NOS1: variants seen among roughly 807,000 people sequenced by gnomAD.
NOS1 encodes the protein nitric oxide synthase 1.
In NOS1, 51 loss-of-function variants were observed where a neutral mutation model predicts 164.5. That is an observed-to-expected ratio of 0.31 (90% CI 0.25 to 0.39). The LOEUF (loss-of-function observed/expected upper bound fraction) is 0.39, where lower values mean the gene tolerates loss of function less well. NOS1 is among the 10% of genes least tolerant of loss of function. NOS1 has a pLI of 1.00. For missense variants in NOS1, 1,362 were observed against 1,885.6 expected (o/e 0.72, Z 5.14); for synonymous variants, 719 against 745.8 (o/e 0.96, Z 0.59).
chr12:117,214,474 G>A lies in NOS1; in HGVS notation c.*835C>T, dbSNP rs1956572853. On this transcript the variant is annotated 3_prime_UTR_variant, in exon 29 of 29. Coordinates refer to ENST00000317775, the MANE Select transcript of NOS1 (RefSeq NM_000620.5). The stretch of plus-strand genomic sequence containing the variant: ...AGTCAAGTGATTCTAGCTGGTATGG[G>A]TGGGTTTGGGGAGGGGATTTGCACA... 8 of 985,152 alleles carry A rather than the reference G, an allele frequency of 8.1e-6. No homozygotes were observed. The highest frequency in any genetic ancestry group is 4.7e-5 in the South Asian group (1 of 21,280). The allele number at this position is 985,152 out of a possible 1,614,324, so 61.0% of individuals were successfully genotyped here.
chr12:117,233,578 G>A (rs989709197), intron 21 of NOS1, among the ~76,000 whole-genome samples: 2 of 151,632 alleles, frequency 1.3e-5, no homozygotes, highest in Non-Finnish European at 2.9e-5. Flanking sequence ...AGGCCAAGGC[G>A]GGTGGATTAC....
chr12:117,267,662 C>A (rs1223127290), intron 11 of NOS1, among the ~76,000 whole-genome samples: 1 of 151,970 alleles, frequency 6.6e-6, no homozygotes, highest in Admixed American at 6.6e-5. Context: ...TTTAGCACAG[C>A]CTCATGCATT....
chr12:117,236,226 T>C (rs1411872827), intron 20 of NOS1, among the ~76,000 whole-genome samples: 1 of 152,186 alleles, frequency 6.6e-6, no homozygotes. Flanking sequence ...TAATTTTCAG[T>C]GGCTAGAGAC....
At chr12:117,293,668 A>G (rs559666740) in intron 3 of NOS1, among the ~76,000 whole-genome samples, 1 of 143,708 alleles carries the variant, frequency 7.0e-6, no homozygotes, top group Non-Finnish European at 1.5e-5. Flanking sequence ...TATTACTTGT[A>G]TTATTATTAC....
At position 117,330,571 on chromosome 12, in the gene NOS1, GCCCATCATCGTAGGCATGCT is replaced by G. The variant is rs751297783; in HGVS notation, c.479_498del (p.Gln160ProfsTer38). 6.2e-7 allele frequency: 1 copy of G among 1,613,352 alleles called. No homozygotes were observed. ...GCATGGGGGAGTGAGCCAGCCTCCT[GCCCATCATCGTAGGCATGCT>G]GAGGCCCATTCCCGGGACCCGAGGC... On this transcript the variant is annotated frameshift_variant, in exon 2 of 29. Coordinates refer to ENST00000317775, the MANE Select transcript of NOS1 (RefSeq NM_000620.5). LOFTEE classifies it high-confidence loss of function. This position sits in a 1 kb window ranked among gnomAD's most constrained non-coding sequence, Gnocchi z 4.6.
At chr12:117,329,222 T>G (rs191240213) in intron 2 of NOS1, among the ~76,000 whole-genome samples, 4 of 152,300 alleles carry the variant, frequency 2.6e-5, no homozygotes, top group Admixed American at 2.6e-4. Context: ...TTGATTTCAT[T>G]CATTGCTCTA....
At chr12:117,344,940 G>A (rs1354777112) in intron 1 of NOS1, among the ~76,000 whole-genome samples, 1 of 152,028 alleles carries the variant, frequency 6.6e-6, no homozygotes, top group African/African-American at 2.4e-5. Flanking sequence ...ACTTGCCTAA[G>A]ATTCTTAGAA....
At chr12:117,311,270 C>T (rs1205719223) in intron 3 of NOS1, among the ~76,000 whole-genome samples, 196 bp downstream of exon 3, 2 of 151,966 alleles carry the variant, frequency 1.3e-5, no homozygotes, top group Non-Finnish European at 2.9e-5. Flanking sequence ...AATACCAAAC[C>T]ACACAAAAAC....
At chr12:117,269,323 G>C (rs1872640055) in intron 10 of NOS1, among the ~76,000 whole-genome samples, 1 of 152,088 alleles carries the variant, frequency 6.6e-6, no homozygotes. Flanking sequence ...AAGACCAGAG[G>C]GTGTTTGGAG....
chr12:117,216,184 ATT>A (rs35267348), intron 28 of NOS1, among the ~76,000 whole-genome samples: 13 of 125,676 alleles, frequency 1.0e-4, no homozygotes, highest in East Asian at 2.4e-4. Context: ...GTCAAAAGGG[ATT>A]TTTTTTTTTT....
chr12:117,262,000 C>T (rs539404292), intron 13 of NOS1, among the ~76,000 whole-genome samples: 2 of 152,318 alleles, frequency 1.3e-5, no homozygotes, highest in African/African-American at 2.4e-5. Flanking sequence ...CTTAACAAGC[C>T]TCCCTGTTGT....
intron 1 of NOS1, among the ~76,000 whole-genome samples, chr12:117,340,871 C>CTTTTTTTTTTTTTTTTTTTTTTTTT (rs775978271): frequency 1.0e-5 from 1 of 96,434 alleles, no homozygotes; most frequent in African/African-American, 4.6e-5. Context: ...TCACACCTGG[C>CTTTTTTTTTTTTTTTTTTTTTTTTT]TATTTTTTTT....
In NOS1 at chr12:117,356,522, T is replaced by C. The variant is rs748973286; in HGVS notation, c.-421+4990A>G. 2.0e-5 allele frequency among the ~76,000 whole-genome samples: 3 copies of C among 152,236 alleles called. No individual in the cohort carries two copies. The highest frequency in any genetic ancestry group is 2.9e-5 in the Non-Finnish European group (2 of 68,044). On this transcript the variant is annotated intron_variant, in intron 1 of 28. Transcript: ENST00000317775. This position sits in a 1 kb window ranked among gnomAD's most constrained non-coding sequence, Gnocchi z 4.2. ...CAGGGTTTGTCTGGTGCTCACCGCT[T>C]AGCCAGACTACAGGTTTCATTAGAA... is the stretch of plus-strand genomic sequence containing the variant.
At chr12:117,340,805 C>A (rs749271668) in intron 1 of NOS1, among the ~76,000 whole-genome samples, 6 of 151,840 alleles carry the variant, frequency 4.0e-5, no homozygotes, top group Non-Finnish European at 8.8e-5. Flanking sequence ...CTTACTGCAA[C>A]CTCTGCCTCC....
chr12:117,273,092 A>C (rs1489386640), intron 9 of NOS1, among the ~76,000 whole-genome samples: 2 of 152,140 alleles, frequency 1.3e-5, no homozygotes, highest in Non-Finnish European at 2.9e-5. Context: ...AATCATGCTT[A>C]TTCTGGAAAG....
At chr12:117,294,238 A>T (rs1359734062) in intron 3 of NOS1, among the ~76,000 whole-genome samples, 1 of 152,130 alleles carries the variant, frequency 6.6e-6, no homozygotes, top group African/African-American at 2.4e-5. Flanking sequence ...TGGTGATGAC[A>T]TCGGGTCTGG....
rs1381468381 is a variant in NOS1 at position 117,310,766 on chromosome 12, G to A, written c.852+700C>T. On this transcript the variant is annotated intron_variant, in intron 3 of 28. Coordinates refer to ENST00000317775, the MANE Select transcript of NOS1 (RefSeq NM_000620.5). The stretch of plus-strand genomic sequence containing the variant: ...CTCAAGTGATCCTCCTGCCTCAGTC[G>A]CCTGAGTAGCTAGGAACTACAGGTA... Among the ~76,000 whole-genome samples the A allele has an allele frequency of 5.3e-5, 8 of 152,122 alleles. No individual in the cohort carries two copies. The East Asian group carries it at 5.8e-4, about 11-fold the overall frequency.
chr12:117,216,706 T>G (rs1956617135), intron 28 of NOS1, among the ~76,000 whole-genome samples: 1 of 152,044 alleles, frequency 6.6e-6, no homozygotes, highest in Non-Finnish European at 1.5e-5. Flanking sequence ...CTTGAACTCC[T>G]GGGCTCAAGC....
chr12:117,290,221 C>T, intron 4 of NOS1, 77 bp downstream of exon 4: 2 of 1,560,634 alleles, frequency 1.3e-6, no homozygotes, highest in Non-Finnish European at 1.7e-6. Flanking sequence ...GCCCCCACAA[C>T]AAAGACTTAT....
Sources: allele counts gnomAD v4.1 joint callset (sites outside exome capture counted in the v4.1 genomes callset), GRCh38; gene constraint gnomAD v4.1.1; non-coding constraint Gnocchi (gnomAD v3.1); transcripts MANE v1.5; gene names NCBI Gene and HGNC (gene_info 2026-07-23, HGNC 2026-07-21).